The following PIAS2 variants were observed in gnomAD, a reference collection of about 807,000 sequenced individuals.
The protein encoded by PIAS2 is E3 SUMO-protein ligase PIAS2.
Under a neutral mutation model 69.7 loss-of-function variants are expected in PIAS2, and 19 were observed. The ratio of observed to expected loss-of-function variants is 0.27; its 90% CI spans 0.19 to 0.40. The LOEUF is 0.40. Ranked by LOEUF, PIAS2 falls within the 10% of genes least tolerant of loss-of-function variation. The probability of loss-of-function intolerance (pLI) is 1.00; values close to 1 mark genes in which losing one functional copy is unlikely to be tolerated. For synonymous variants in PIAS2, 261 were observed against 263.2 expected, an observed-to-expected ratio of 0.99 and a Z score of 0.08; for missense variants, 624 against 757.0, an observed-to-expected ratio of 0.82 and a Z score of 2.06.
At chr18:46,836,056 G>C (rs1267889019) in intron 9 of PIAS2, among the ~76,000 whole-genome samples, 1 of 152,166 alleles carries the variant, frequency 6.6e-6, no homozygotes, top group Non-Finnish European at 1.5e-5. Flanking sequence ...TTCTAGGTAA[G>C]CAAAATGACA....
At chr18:46,857,681 A>C (rs2048040381) in intron 3 of PIAS2, among the ~76,000 whole-genome samples, 1 of 152,234 alleles carries the variant, frequency 6.6e-6, no homozygotes, top group Non-Finnish European at 1.5e-5. Context: ...TGAACAGCTC[A>C]CTAAGGAGTT....
intron 2 of PIAS2, among the ~76,000 whole-genome samples, chr18:46,885,553 T>C (rs2053030343): frequency 6.6e-6 from 1 of 151,254 alleles, no homozygotes. Context: ...GAGCATATAC[T>C]CATTATGGTT....
chr18:46,850,632 G>C (rs907896053), intron 5 of PIAS2, among the ~76,000 whole-genome samples: 1 of 152,180 alleles, frequency 6.6e-6, no homozygotes, highest in African/African-American at 2.4e-5. Flanking sequence ...ATAAGGCACA[G>C]AAGGTGGTTT....
chr18:46,836,448 C>T lies in PIAS2; in HGVS notation c.1111G>A (p.Ala371Thr), dbSNP rs749443156. The change falls in exon 9 of 14, where the codon GCC becomes ACC. Residue 371 changes from alanine (A) to threonine (T), a missense_variant. By Grantham distance (58) the Ala-to-Thr change is moderately conservative (BLOSUM62 0). Coordinates refer to ENST00000585916, the MANE Select transcript of PIAS2 (RefSeq NM_004671.5). Reference sequence around the variant, plus strand: ...TTCTCATTCATTTGTAGATAGAGGGCAGCATCAAAACACTGCAGATGTGTA... The same window carrying T: ...TTCTCATTCATTTGTAGATAGAGGGTAGCATCAAAACACTGCAGATGTGTA... The part of the protein sequence containing the change: ...TCTHLQCFDA[A>T]LYLQMNEKKP... 2.5e-6 allele frequency: 4 copies of T among 1,613,784 alleles called. No individual in the cohort carries two copies. Among genetic ancestry groups the T allele is most frequent in the Non-Finnish European group, 2.5e-6 (3 of 1,179,728 alleles).
At chr18:46,906,773 T>TGTGTG (rs751728920) in intron 1 of PIAS2, among the ~76,000 whole-genome samples, 1 of 80,848 alleles carries the variant, frequency 1.2e-5, no homozygotes, top group Non-Finnish European at 2.6e-5. Flanking sequence ...TGTGTGTGTG[T>TGTGTG]GGGGGGGGGG....
intron 2 of PIAS2, among the ~76,000 whole-genome samples, chr18:46,874,499 C>A (rs1365041061): frequency 6.6e-6 from 1 of 152,192 alleles, no homozygotes; most frequent in African/African-American, 2.4e-5. Context: ...CACTCACCTT[C>A]ATCAGGAAGA....
intron 1 of PIAS2, among the ~76,000 whole-genome samples, chr18:46,895,178 A>G (rs2054653001): frequency 6.6e-6 from 1 of 152,170 alleles, no homozygotes; most frequent in Admixed American, 6.5e-5. Flanking sequence ...CAATTCTAAA[A>G]CATGAGACAG....
At chr18:46,815,155 CA>C in intron 13 of PIAS2, 156 bp downstream of exon 13, 1 of 183,838 alleles carries the variant, frequency 5.4e-6, no homozygotes, top group Non-Finnish European at 1.0e-5. Context: ...TTTATTCCTT[CA>C]AATAAAATTG....
Position 46,812,374 on chromosome 18 carries a change from T to G in PIAS2, c.*59A>C. ...AAAAAAAAAGAACGTTTCCACAGAC[T>G]AGAGATCCAAGAAAAAGCAGTTCTG... On this transcript the variant is annotated 3_prime_UTR_variant, in exon 14 of 14. Coordinates refer to ENST00000585916, the MANE Select transcript of PIAS2 (RefSeq NM_004671.5). 1.0e-6 allele frequency: 1 copy of G among 962,526 alleles called. No homozygotes were observed. 59.6% of individuals were successfully genotyped at this position (962,526 alleles called of 1,614,324 possible).
intron 2 of PIAS2, among the ~76,000 whole-genome samples, chr18:46,888,274 A>G (rs1381128560): frequency 6.6e-6 from 1 of 152,096 alleles, no homozygotes; most frequent in Non-Finnish European, 1.5e-5. Context: ...CCATCAGCCT[A>G]TGTGGGAAAA....
chr18:46,846,939 A>G (rs145700718), intron 5 of PIAS2, 98 bp from the exon 6 acceptor site: 1,256 of 1,053,806 alleles, frequency 1.2e-3, no homozygotes, highest in Non-Finnish European at 1.5e-3. Context: ...TTTCAGTTAC[A>G]CTATTTTTAT....
intron 3 of PIAS2, among the ~76,000 whole-genome samples, chr18:46,861,106 C>A (rs1045718564): frequency 7.9e-5 from 12 of 152,002 alleles, no homozygotes; most frequent in African/African-American, 2.9e-4. Flanking sequence ...ATGGTGAAAC[C>A]CTTTCTCTAC....
intron 1 of PIAS2, among the ~76,000 whole-genome samples, chr18:46,899,855 C>CAG (rs5824643): frequency 0.61 from 93,304 of 151,726 alleles, 30,000 homozygotes; most frequent in African/African-American, 0.81. Flanking sequence ...TATGAAGTAA[C>CAG]TATCAAATTT....
At chr18:46,862,600 G>A (rs1055074798) in intron 3 of PIAS2, among the ~76,000 whole-genome samples, 1 of 151,708 alleles carries the variant, frequency 6.6e-6, no homozygotes, top group Non-Finnish European at 1.5e-5. Context: ...ATAATGTTTT[G>A]TTAACACTAA....
intron 3 of PIAS2, among the ~76,000 whole-genome samples, chr18:46,856,237 G>A (rs997473316): frequency 3.3e-5 from 5 of 151,840 alleles, no homozygotes; most frequent in South Asian, 2.1e-4. Flanking sequence ...TCCTGACCTC[G>A]TGATCCGTCC....
At chr18:46,872,826 A>G (rs1269627522) in intron 2 of PIAS2, among the ~76,000 whole-genome samples, 2 of 152,194 alleles carry the variant, frequency 1.3e-5, no homozygotes, top group South Asian at 2.1e-4. Context: ...TTATACCTGA[A>G]GCTCACCCAG....
chr18:46,836,591 A>G (rs776549164), intron 8 of PIAS2, 74 bp from the exon 9 acceptor site: 138 of 1,099,516 alleles, frequency 1.3e-4, no homozygotes, highest in Non-Finnish European at 1.5e-4. Flanking sequence ...GTCAGTTGTA[A>G]AAGTCGGAAG....
chr18:46,828,459 GTT>G (rs1411433167), intron 10 of PIAS2, among the ~76,000 whole-genome samples: 1 of 152,182 alleles, frequency 6.6e-6, no homozygotes, highest in Non-Finnish European at 1.5e-5. Flanking sequence ...GTCAGCAGTC[GTT>G]TTACAGAAAG....
chr18:46,836,589 T>TA, intron 8 of PIAS2, 72 bp from the exon 9 acceptor site: 1 of 1,120,510 alleles, frequency 8.9e-7, no homozygotes, highest in South Asian at 1.8e-5. Context: ...TGGTCAGTTG[T>TA]AAAAGTCGGA....
Sources: gnomAD v4.1 joint callset for allele counts (sites outside exome capture counted in the v4.1 genomes callset) on GRCh38, gnomAD v4.1.1 for gene constraint, MANE v1.5 for transcripts, NCBI Gene and HGNC (gene_info 2026-07-23, HGNC 2026-07-21) for gene names.